The following PCDHA2 variants were observed in gnomAD, a reference collection of about 807,000 sequenced individuals.
The protein encoded by PCDHA2 is protocadherin alpha-2.
In PCDHA2, 58 loss-of-function variants were observed where a neutral mutation model predicts 66.0. The ratio of observed to expected loss-of-function variants is 0.88; its 90% CI spans 0.71 to 1.09. PCDHA2 has a LOEUF of 1.09. PCDHA2 is among the 50% of genes least tolerant of loss of function. PCDHA2 has a pLI of 0.00. For missense variants in PCDHA2, 1,267 were observed against 1,242.3 expected (o/e 1.02, Z -0.30); for synonymous variants, 634 against 554.0 (o/e 1.14, Z -2.03).
At chr5:140,997,097 T>G (rs1222829529) in intron 3 of PCDHA2, among the ~76,000 whole-genome samples, 10 of 152,156 alleles carry the variant, frequency 6.6e-5, no homozygotes, top group Admixed American at 5.2e-4. Context: ...TGCAGAGTTC[T>G]CATGCACTCC....
intron 1 of PCDHA2, among the ~76,000 whole-genome samples, chr5:140,973,558 T>C (rs1427190876): frequency 6.6e-6 from 1 of 152,238 alleles, no homozygotes; most frequent in Admixed American, 6.5e-5. Flanking sequence ...AATTACCTCT[T>C]TCCTCAATTT....
chr5:140,823,332 G>T (rs1767664494), intron 1 of PCDHA2: 1 of 1,612,026 alleles, frequency 6.2e-7, no homozygotes, highest in Non-Finnish European at 8.5e-7. Context: ...TGTACGCGCT[G>T]CAGCCGCTGG....
At chr5:140,993,996 G>C (rs1163632974) in intron 3 of PCDHA2, among the ~76,000 whole-genome samples, 1 of 152,148 alleles carries the variant, frequency 6.6e-6, no homozygotes, top group Non-Finnish European at 1.5e-5. Flanking sequence ...CTTAGGTCAG[G>C]CCAGGCTCTG....
At chr5:140,822,088 C>G (rs782227527) in intron 1 of PCDHA2, 1 of 1,614,256 alleles carries the variant, frequency 6.2e-7, no homozygotes, top group East Asian at 2.2e-5. Context: ...CAGCATCCAC[C>G]TGGAGGTGAT....
intron 1 of PCDHA2, chr5:140,883,600 G>A (rs2059695358): frequency 6.2e-7 from 1 of 1,613,890 alleles, no homozygotes; most frequent in Non-Finnish European, 8.5e-7. Flanking sequence ...TGTCGGTGGG[G>A]GTGGCCGACG....
intron 1 of PCDHA2, among the ~76,000 whole-genome samples, chr5:140,916,666 A>G (rs782065585): frequency 2.0e-5 from 3 of 152,176 alleles, no homozygotes; most frequent in Non-Finnish European, 2.9e-5. Flanking sequence ...AAGATGCAAG[A>G]CAAAGTCCTC....
At chr5:140,836,587 T>G in intron 1 of PCDHA2, 1 of 1,613,734 alleles carries the variant, frequency 6.2e-7, no homozygotes, top group Non-Finnish European at 8.5e-7. Context: ...TGTAGTTTGG[T>G]AAAGCCCACT....
rs28619398 is a variant in PCDHA2 at position 140,895,037 on chromosome 5, C to T, written c.2389-83912C>T. 4.7e-3 allele frequency among the ~76,000 whole-genome samples: 720 copies of T among 152,250 alleles called. 7 individuals are homozygous for T. The highest frequency in any genetic ancestry group is 0.016 in the African/African-American group (670 of 41,558). ...TTTTCCTTTGTTTAATTGTCCCCCA[C>T]CCACACCATTCTGCTTCATATGGAC... is the stretch of plus-strand genomic sequence containing the variant. On this transcript the variant is annotated intron_variant, in intron 1 of 3. Transcript: ENST00000526136.
At chr5:140,836,780 T>G in intron 1 of PCDHA2, 1 of 1,484,830 alleles carries the variant, frequency 6.7e-7, no homozygotes, top group East Asian at 2.3e-5. Flanking sequence ...TTTAAAACAA[T>G]TAGTTCAATT....
intron 3 of PCDHA2, among the ~76,000 whole-genome samples, chr5:141,008,123 G>A (rs1437358425): frequency 6.6e-6 from 1 of 152,144 alleles, no homozygotes; most frequent in East Asian, 1.9e-4. Context: ...GTTTCAAGAA[G>A]GGGATGACAA....
rs570399561 is a variant in PCDHA2, at chr5:140,943,988, C to T, written c.2389-34961C>T. ...GTTAAAGTAATTAAGAAAACAGAGA[C>T]AGAACTACTGAGTACCCCCCAAAAG... On this transcript the variant is annotated intron_variant, in intron 1 of 3. Transcript: ENST00000526136. 8.3e-4 allele frequency among the ~76,000 whole-genome samples: 126 copies of T among 152,216 alleles called. 3 individuals carry two copies. The Middle Eastern group carries it at 0.017, about 21-fold the overall frequency.
At chr5:140,807,244 TCTC>T (rs782209720) in intron 1 of PCDHA2, 95 of 1,614,072 alleles carry the variant, frequency 5.9e-5, no homozygotes, top group South Asian at 1.5e-4. Context: ...TCTTACTTCT[TCTC>T]CTCGCAGCCT....
rs1193708084 is a variant in PCDHA2, at chr5:140,882,956, A to AT, written c.2388+85605dup. 3.1e-6 allele frequency: 5 copies of AT among 1,614,110 alleles called. No individual in the cohort carries two copies. In the African/African-American group the frequency reaches 6.7e-5, roughly 22 times the overall value. ...GCTGACTGGCACAGTTCAGCTGCTC[A>AT]TCACGATTCTGGACGTGAATGACAA... On this transcript the variant is annotated intron_variant, in intron 1 of 3. Transcript: ENST00000526136.
At chr5:140,870,524 TCA>T (rs782755570) in intron 1 of PCDHA2, 1 of 1,614,194 alleles carries the variant, frequency 6.2e-7, no homozygotes, top group Non-Finnish European at 8.5e-7. Context: ...TGCCACATCT[TCA>T]CAGTGTCGGC....
chr5:140,796,926 C>A lies in PCDHA2; in HGVS notation c.1962C>A (p.His654Gln). Residue 654 changes from histidine to glutamine, a missense_variant, in exon 1 of 4, where the codon CAC becomes CAA. Transcript: ENST00000526136. ...RHRLLVLVKD[H>Q]GEPALTATAT... Reference sequence around the variant, plus strand: ...GCCTACTCGTGCTGGTGAAGGACCACGGCGAACCAGCGTTGACAGCCACGG... The same window carrying A: ...GCCTACTCGTGCTGGTGAAGGACCAAGGCGAACCAGCGTTGACAGCCACGG... 1.2e-6 allele frequency: 2 copies of A among 1,613,856 alleles called. No homozygotes were observed. Among genetic ancestry groups the A allele is most frequent in the Non-Finnish European group, 1.7e-6 (2 of 1,179,988 alleles).
chr5:140,843,191 G>C lies in PCDHA2; in HGVS notation c.2388+45839G>C, dbSNP rs1201499380. 28 of 1,595,928 alleles carry C rather than the reference G, an allele frequency of 1.8e-5. 6 individuals are homozygous for C. Among genetic ancestry groups the C allele is most frequent in the Middle Eastern group, 1.7e-4 (1 of 6,014 alleles). On this transcript the variant is annotated intron_variant, in intron 1 of 3. Transcript: ENST00000526136. ...AAGCAGCCCTCGCATCCCGTTCCGC[G>C]TGGGGCTGTACACGGGCGAGATCAG...
intron 1 of PCDHA2, among the ~76,000 whole-genome samples, chr5:140,935,064 T>C (rs782620164): frequency 5.9e-5 from 9 of 152,252 alleles, no homozygotes; most frequent in Admixed American, 2.0e-4. Flanking sequence ...GATGTTCAGA[T>C]TATCTTGTAC....
chr5:140,862,306 C>G (rs184682479), intron 1 of PCDHA2: 1 of 279,556 alleles, frequency 3.6e-6, no homozygotes, highest in East Asian at 8.6e-5. Context: ...CACTGGGTAC[C>G]GTCATAGCCC....
At chr5:140,940,564 T>G (rs1481591678) in intron 1 of PCDHA2, among the ~76,000 whole-genome samples, 2 of 152,228 alleles carry the variant, frequency 1.3e-5, no homozygotes, top group African/African-American at 4.8e-5. Flanking sequence ...TTCTCCTACC[T>G]TGGCTCCCAA....
Sources: gnomAD v4.1 joint callset for allele counts (sites outside exome capture counted in the v4.1 genomes callset) on GRCh38, gnomAD v4.1.1 for gene constraint, MANE v1.5 for transcripts, NCBI Gene and HGNC (gene_info 2026-07-23, HGNC 2026-07-21) for gene names.